LPIN2: variants seen among roughly 807,000 people sequenced by gnomAD.
LPIN2 encodes phosphatidate phosphatase LPIN2.
Under a neutral mutation model 111.4 loss-of-function variants are expected in LPIN2, and 55 were observed. The observed-to-expected ratio is 0.49, with a 90% CI of 0.40 to 0.62. LPIN2 has a LOEUF of 0.62. LPIN2 is among the 20% of genes least tolerant of loss of function. The pLI is 0.00. For synonymous variants in LPIN2, 425 were observed against 414.0 expected (o/e 1.03, Z -0.32); for missense variants, 992 against 1,112.1 (o/e 0.89, Z 1.54).
At chr18:2,956,804 A>G (rs897994914) in intron 2 of LPIN2, among the ~76,000 whole-genome samples, 4 of 152,240 alleles carry the variant, frequency 2.6e-5, no homozygotes, top group Non-Finnish European at 5.9e-5. Context: ...ACATTTCTCA[A>G]TGTGACTACT....
At chr18:2,926,437 G>C (rs1292005329) in intron 13 of LPIN2, among the ~76,000 whole-genome samples, 1 of 152,196 alleles carries the variant, frequency 6.6e-6, no homozygotes, top group Non-Finnish European at 1.5e-5. Flanking sequence ...TGGGATGCAG[G>C]GGGAGCAGAG....
In LPIN2 at chr18:2,939,684, C is replaced by G. The variant is rs190660865; in HGVS notation, c.699-81G>C. On this transcript the variant is annotated intron_variant, in intron 5 of 19. Coordinates refer to ENST00000677752, the MANE Select transcript of LPIN2 (RefSeq NM_001375808.2). ...GCTGAGCCTGACAGATTAAAAGAAA[C>G]AAATCTGAATATCTTGACTTTATCC... 5 of 1,496,212 alleles carry G rather than the reference C, an allele frequency of 3.3e-6. No homozygotes were observed. In the Admixed American group the frequency reaches 5.2e-5, roughly 16 times the overall value. 92.7% of individuals were successfully genotyped at this position (1,496,212 alleles called of 1,614,324 possible). A position where few individuals can be genotyped will look rare whatever the true frequency, so the allele number is the denominator to read the frequency against.
chr18:3,009,946 A>AT (rs141845226), intron 1 of LPIN2, among the ~76,000 whole-genome samples: 8 of 151,750 alleles, frequency 5.3e-5, no homozygotes, highest in African/African-American at 1.5e-4. Context: ...CTCCCAACAG[A>AT]TTTTTTTTTC....
chr18:2,975,576 C>T (rs2077999422), intron 1 of LPIN2, among the ~76,000 whole-genome samples: 1 of 152,170 alleles, frequency 6.6e-6, no homozygotes, highest in Non-Finnish European at 1.5e-5. Context: ...TCAGGTGATC[C>T]ACCCACCTCT....
intron 1 of LPIN2, among the ~76,000 whole-genome samples, chr18:2,977,505 G>T (rs1222756208): frequency 6.6e-6 from 1 of 152,178 alleles, no homozygotes; most frequent in African/African-American, 2.4e-5. Flanking sequence ...AGGAACCAGG[G>T]TTCCTTGGAA....
chr18:2,988,955 G>A (rs1322621026), intron 1 of LPIN2, among the ~76,000 whole-genome samples: 2 of 152,142 alleles, frequency 1.3e-5, no homozygotes, highest in Non-Finnish European at 2.9e-5. Flanking sequence ...ATTTGAAAAA[G>A]TATACTTCAA....
intron 1 of LPIN2, among the ~76,000 whole-genome samples, chr18:3,007,525 A>G (rs889373595): frequency 2.0e-5 from 3 of 152,246 alleles, no homozygotes; most frequent in Non-Finnish European, 4.4e-5. Flanking sequence ...AAGAAATGTA[A>G]TATGTGGACA....
chr18:2,918,901 T>C lies in LPIN2; in HGVS notation c.*1392A>G, dbSNP rs1027112118. ...GAGACCACCCCGAGCGCCAAGCCTG[T>C]ATCTGCAGATCCCTCTCTGCTCAGG... is the stretch of plus-strand genomic sequence containing the variant. On this transcript the variant is annotated 3_prime_UTR_variant, in exon 20 of 20. Coordinates refer to ENST00000677752, the MANE Select transcript of LPIN2 (RefSeq NM_001375808.2). 6.6e-6 allele frequency: 1 copy of C among 152,190 alleles called. No homozygotes were observed. The highest frequency in any genetic ancestry group is 1.5e-5 in the Non-Finnish European group (1 of 68,036). The allele number at this position is 152,190 out of a possible 1,614,324, so 9.4% of individuals were successfully genotyped here.
At chr18:3,005,676 T>TACACACAC (rs34050872) in intron 1 of LPIN2, among the ~76,000 whole-genome samples, 7,099 of 146,976 alleles carry the variant, frequency 0.048, 204 homozygotes, top group Middle Eastern at 0.067. Context: ...GACACTATCT[T>TACACACAC]ACACACACAC....
In LPIN2 at chr18:2,919,547, C is replaced by T. The variant is rs2077021117; in HGVS notation, c.*746G>A. 6.6e-6 allele frequency: 1 copy of T among 152,564 alleles called. No homozygotes were observed. The highest frequency in any genetic ancestry group is 2.4e-5 in the African/African-American group (1 of 41,450). 9.5% of individuals were successfully genotyped at this position (152,564 alleles called of 1,614,324 possible). A position where few individuals can be genotyped will look rare whatever the true frequency, so the allele number is the denominator to read the frequency against. Reference sequence around the variant, plus strand: ...GGGGTTTGGTCTGTTTTAAGACCCACCTTCCCACTTTTATTACAGACATCA... The same window carrying T: ...GGGGTTTGGTCTGTTTTAAGACCCATCTTCCCACTTTTATTACAGACATCA... On this transcript the variant is annotated 3_prime_UTR_variant, in exon 20 of 20. Transcript: ENST00000677752.
At chr18:2,989,600 C>T (rs974987478) in intron 1 of LPIN2, among the ~76,000 whole-genome samples, 1 of 106,100 alleles carries the variant, frequency 9.4e-6, no homozygotes, top group African/African-American at 3.4e-5. Context: ...GGAAGACTTC[C>T]ATTTCTTGAT....
At chr18:2,974,790 G>A (rs1013951059) in intron 1 of LPIN2, among the ~76,000 whole-genome samples, 1 of 152,178 alleles carries the variant, frequency 6.6e-6, no homozygotes, top group African/African-American at 2.4e-5. Context: ...CCAGAAGGTG[G>A]AGAGCAGCCT....
At chr18:2,969,016 A>C (rs28479004) in intron 1 of LPIN2, among the ~76,000 whole-genome samples, 376 of 152,322 alleles carry the variant, frequency 2.5e-3, no homozygotes, top group African/African-American at 8.4e-3. Context: ...ACTTAGAGAT[A>C]TGGAAATAAA....
chr18:3,007,546 A>C (rs1437773223), intron 1 of LPIN2, among the ~76,000 whole-genome samples: 2 of 152,268 alleles, frequency 1.3e-5, no homozygotes, highest in Non-Finnish European at 2.9e-5. Context: ...GACGTCTCTC[A>C]GTGTTTACAA....
rs1339674702 is a variant in LPIN2 at position 2,951,351 on chromosome 18, C to G, written c.294G>C (p.Lys98Asn). 2.5e-6 allele frequency: 4 copies of G among 1,613,706 alleles called. No homozygotes were observed. Among genetic ancestry groups the G allele is most frequent in the Non-Finnish European group, 3.4e-6 (4 of 1,179,884 alleles). The change falls in exon 4 of 20, where the codon AAG (lysine) becomes AAC (asparagine). Residue 98 changes from lysine (K) to asparagine (N), a missense_variant. Transcript: ENST00000677752. ...GTGAGGTGGCAAGGTAAGCAGGAAG[C>G]TTTTCCTTGAGGAGAATGGAGAAAG... The part of the protein sequence containing the change: ...FVEETEEEYE[K>N]LPAYLATSPI...
At chr18:2,946,947 A>G (rs1385072564) in intron 4 of LPIN2, 1 of 242,448 alleles carries the variant, frequency 4.1e-6, no homozygotes, top group African/African-American at 2.3e-5. Context: ...GTCAGAAACG[A>G]AGGAGAGAAA....
chr18:2,955,199 A>G (rs899372444), intron 2 of LPIN2, among the ~76,000 whole-genome samples: 1 of 152,218 alleles, frequency 6.6e-6, no homozygotes, highest in African/African-American at 2.4e-5. Flanking sequence ...TGTTTGCTAT[A>G]AAGAAATACA....
At chr18:3,002,280 TA>T (rs1334826242) in intron 1 of LPIN2, among the ~76,000 whole-genome samples, 4 of 137,514 alleles carry the variant, frequency 2.9e-5, no homozygotes, top group African/African-American at 1.1e-4. Flanking sequence ...AACATAGGTA[TA>T]CCAGTACCTA....
In LPIN2 at chr18:2,918,607, T is replaced by C. The variant is rs1383653309; in HGVS notation, c.*1686A>G. On this transcript the variant is annotated 3_prime_UTR_variant, in exon 20 of 20. Coordinates refer to ENST00000677752, the MANE Select transcript of LPIN2 (RefSeq NM_001375808.2). ...TATTTAAGCTGGGGGAAGCTTTGCA[T>C]GGGAGAAGGCTCATGTGGTCCCTTC... 6.6e-6 allele frequency: 1 copy of C among 152,170 alleles called. No homozygotes were observed. The highest frequency in any genetic ancestry group is 1.5e-5 in the Non-Finnish European group (1 of 68,046). The allele number at this position is 152,170 out of a possible 1,614,324, so 9.4% of individuals were successfully genotyped here.
Sources: gnomAD v4.1 joint callset for allele counts (sites outside exome capture counted in the v4.1 genomes callset) on GRCh38, gnomAD v4.1.1 for gene constraint, MANE v1.5 for transcripts, NCBI Gene and HGNC (gene_info 2026-07-23, HGNC 2026-07-21) for gene names.